RANBP2: variants seen among roughly 807,000 people sequenced by gnomAD.
RANBP2 encodes the protein RAN binding protein 2.
Under a neutral mutation model 303.6 loss-of-function variants are expected in RANBP2, and 57 were observed. The ratio of observed to expected loss-of-function variants is 0.19; its 90% confidence interval spans 0.15 to 0.23. The LOEUF (loss-of-function observed/expected upper bound fraction) is 0.23, where lower values mean the gene tolerates loss of function less well. Ranked by LOEUF, RANBP2 falls within the 10% of genes least tolerant of loss-of-function variation. The pLI, the probability that RANBP2 is intolerant of heterozygous loss-of-function variation, is 1.00. For synonymous variants in RANBP2, 1,167 were observed against 1,301.5 expected (o/e 0.90, Z 2.23); for missense variants, 3,138 against 3,780.8 (o/e 0.83, Z 4.46).
At chr2:108,903,191 A>G in the RANBP2 span, among the ~76,000 whole-genome samples, 1 of 152,236 alleles carries the variant, frequency 6.6e-6, no homozygotes, top group Non-Finnish European at 1.5e-5. Flanking sequence ...AAATATGCAC[A>G]GAACTTGTAT....
At chr2:108,923,001 A>G in the RANBP2 span, among the ~76,000 whole-genome samples, 1 of 152,210 alleles carries the variant, frequency 6.6e-6, no homozygotes, top group Non-Finnish European at 1.5e-5. Context: ...AGTACTTTGC[A>G]AAATAGTAGT....
the RANBP2 span, among the ~76,000 whole-genome samples, chr2:109,549,388 GA>G: frequency 2.0e-5 from 3 of 152,094 alleles, no homozygotes. Context: ...AAAATTCCAG[GA>G]AAACTACAAA....
At chr2:108,858,786 A>G in the RANBP2 span, among the ~76,000 whole-genome samples, 4 of 152,008 alleles carry the variant, frequency 2.6e-5, no homozygotes, top group African/African-American at 9.6e-5. Context: ...TTGGGCTTCA[A>G]CTGAACTCGT....
chr2:109,315,194 C>T, the RANBP2 span, among the ~76,000 whole-genome samples: 41 of 152,274 alleles, frequency 2.7e-4, no homozygotes, highest in African/African-American at 9.4e-4. Flanking sequence ...TCTCTGGGTC[C>T]CCCTTGTCAA....
At chr2:109,091,955 C>T in the RANBP2 span, among the ~76,000 whole-genome samples, 2 of 151,964 alleles carry the variant, frequency 1.3e-5, no homozygotes, top group Non-Finnish European at 2.9e-5. Context: ...AGTTGGCTCT[C>T]CCTAACTAGT....
the RANBP2 span, among the ~76,000 whole-genome samples, chr2:109,372,326 C>G: frequency 6.6e-6 from 1 of 152,314 alleles, no homozygotes; most frequent in South Asian, 2.1e-4. Context: ...CACCTGCTAG[C>G]CTGGGGCTGT....
At chr2:109,495,168 G>A in the RANBP2 span, among the ~76,000 whole-genome samples, 8 of 152,244 alleles carry the variant, frequency 5.3e-5, no homozygotes, top group Non-Finnish European at 7.3e-5. Context: ...ATGTGCAGAG[G>A]GAGCTGAATT....
chr2:108,765,914 T>C lies in RANBP2; in HGVS notation c.5375T>C (p.Val1792Ala), dbSNP rs559785242. The C allele has an allele frequency of 5.6e-6, 9 of 1,614,166 alleles. No homozygotes were observed. In the African/African-American group the frequency reaches 1.2e-4, roughly 22 times the overall value. Reference sequence around the variant, plus strand: ...CAGTGGGATTGTAGTGTTTGCTGTGTACAAAATGAGAGTTCTTCCTTAAAA... The same window carrying C: ...CAGTGGGATTGTAGTGTTTGCTGTGCACAAAATGAGAGTTCTTCCTTAAAA... ...KGQWDCSVCC[V>A]QNESSSLKCV... Residue 1792 changes from valine to alanine, a missense_variant, in exon 20 of 29, where the codon GTA becomes GCA. Around this residue, in one of 20 missense-constraint regions of RANBP2, gnomAD observed 348 missense variants for 360.4 expected, o/e 0.97. Transcript: ENST00000283195.
the RANBP2 span, among the ~76,000 whole-genome samples, chr2:109,131,411 C>T: frequency 6.6e-6 from 1 of 152,082 alleles, no homozygotes; most frequent in East Asian, 1.9e-4. Flanking sequence ...TCCTTCCTGG[C>T]CTTGCTGTTT....
the RANBP2 span, among the ~76,000 whole-genome samples, chr2:109,509,834 A>C: frequency 6.6e-6 from 1 of 152,096 alleles, no homozygotes; most frequent in African/African-American, 2.4e-5. Context: ...ATTTTCGGGG[A>C]ACATAATTCA....
chr2:108,752,381 A>G (rs1675954188), intron 12 of RANBP2, among the ~76,000 whole-genome samples: 1 of 151,912 alleles, frequency 6.6e-6, no homozygotes, highest in South Asian at 2.1e-4. Flanking sequence ...ACAAACTGAC[A>G]CTACAGAAGA....
At chr2:109,155,590 C>T in the RANBP2 span, among the ~76,000 whole-genome samples, 22 of 152,140 alleles carry the variant, frequency 1.4e-4, no homozygotes, top group African/African-American at 4.3e-4. Context: ...CCTGAGCCAC[C>T]GTGCCTGGCC....
the RANBP2 span, among the ~76,000 whole-genome samples, chr2:109,640,046 A>G: frequency 6.6e-6 from 1 of 151,816 alleles, no homozygotes; most frequent in East Asian, 1.9e-4. Context: ...GAACCCAAGT[A>G]ACTTCCTTCT....
chr2:108,928,609 A>T, the RANBP2 span, among the ~76,000 whole-genome samples: 1 of 152,178 alleles, frequency 6.6e-6, no homozygotes, highest in Non-Finnish European at 1.5e-5. Context: ...AGCAGCAATG[A>T]TCATGGCTCA....
At chr2:109,152,782 G>T in the RANBP2 span, among the ~76,000 whole-genome samples, 3 of 152,174 alleles carry the variant, frequency 2.0e-5, no homozygotes, top group African/African-American at 7.2e-5. Flanking sequence ...TCCCAGGCCC[G>T]ATGGCCTGAT....
the RANBP2 span, among the ~76,000 whole-genome samples, chr2:109,527,014 T>C: frequency 2.0e-5 from 3 of 152,240 alleles, no homozygotes; most frequent in Admixed American, 2.0e-4. Flanking sequence ...AAGCTCACAC[T>C]TGACAAATTG....
At chr2:109,195,806 A>G in the RANBP2 span, among the ~76,000 whole-genome samples, 4 of 152,062 alleles carry the variant, frequency 2.6e-5, no homozygotes, top group South Asian at 8.3e-4. Flanking sequence ...TCTCCCCTCT[A>G]CTTTTAAATA....
At chr2:109,444,456 G>C in the RANBP2 span, among the ~76,000 whole-genome samples, 3 of 152,184 alleles carry the variant, frequency 2.0e-5, no homozygotes, top group African/African-American at 7.2e-5. Context: ...TGGACAGGAA[G>C]CCCCTGTGAG....
the RANBP2 span, among the ~76,000 whole-genome samples, chr2:109,443,886 C>T: frequency 7.6e-3 from 1,157 of 152,282 alleles, 12 homozygotes; most frequent in Admixed American, 0.011. Context: ...GTATAATCAA[C>T]TTGACTTAGT....
Sources: gnomAD v4.1 joint callset for allele counts (sites outside exome capture counted in the v4.1 genomes callset) on GRCh38, gnomAD v4.1.1 for gene constraint, gnomAD v4.1.1 regional missense constraint, MANE v1.5 for transcripts, NCBI Gene and HGNC (gene_info 2026-07-23, HGNC 2026-07-21) for gene names.